Variants in AUTS2 observed in about 807,000 individuals in gnomAD.
The protein encoded by AUTS2 is activator of transcription and developmental regulator AUTS2.
Under a neutral mutation model 112.4 loss-of-function variants are expected in AUTS2, and 17 were observed. The observed-to-expected ratio is 0.15, with a 90% CI of 0.10 to 0.23. The LOEUF is 0.23. Among genes scored for constraint, AUTS2 ranks in the 10% least tolerant of loss-of-function variants. The pLI is 1.00. For synonymous variants in AUTS2, 751 were observed against 702.7 expected (o/e 1.07, Z -1.09); for missense variants, 1,510 against 1,701.6 (o/e 0.89, Z 1.98).
chr7:70,325,256 T>A (rs1790434102), intron 4 of AUTS2, among the ~76,000 whole-genome samples: 1 of 151,986 alleles, frequency 6.6e-6, no homozygotes, highest in Admixed American at 6.6e-5. Context: ...AACAGGAGTT[T>A]GAGGCTGCAG....
intron 5 of AUTS2, among the ~76,000 whole-genome samples, chr7:70,462,260 A>G (rs1796997010): frequency 6.6e-6 from 1 of 152,204 alleles, no homozygotes; most frequent in Non-Finnish European, 1.5e-5. Flanking sequence ...TCGAAAAAAC[A>G]AAAACAAAAT....
chr7:69,778,600 G>A (rs1789000863), intron 1 of AUTS2, among the ~76,000 whole-genome samples: 1 of 152,068 alleles, frequency 6.6e-6, no homozygotes. Context: ...GCAGCAGTGT[G>A]GACAGACCAG....
intron 1 of AUTS2, among the ~76,000 whole-genome samples, chr7:69,892,170 A>ATTTT (rs35883320): frequency 8.0e-6 from 1 of 125,270 alleles, no homozygotes; most frequent in Non-Finnish European, 1.7e-5. Context: ...AGTTTTGAGA[A>ATTTT]TTTTTTTTTT....
At chr7:70,378,683 A>G (rs1024238100) in intron 4 of AUTS2, among the ~76,000 whole-genome samples, 8 of 152,362 alleles carry the variant, frequency 5.3e-5, no homozygotes, top group Admixed American at 3.3e-4. Context: ...AGTGGATTGC[A>G]TCTATATTCC....
In AUTS2 at chr7:69,809,324, C is replaced by T. The variant is rs569911394; in HGVS notation, c.310-89962C>T. Among the ~76,000 whole-genome samples the T allele has an allele frequency of 3.7e-3, 564 of 151,834 alleles. 4 individuals are homozygous for T. The highest frequency in any genetic ancestry group is 5.9e-3 in the African/African-American group (246 of 41,392). On this transcript the variant is annotated intron_variant, in intron 1 of 18. Coordinates refer to ENST00000342771, the MANE Select transcript of AUTS2 (RefSeq NM_015570.4). ...CCATCTCCTGACCTCGTGATCTGCCCGCCTTGGCCTCCCAAAGTGCTGGGA... is the reference window on the plus strand; with the variant it reads ...CCATCTCCTGACCTCGTGATCTGCCTGCCTTGGCCTCCCAAAGTGCTGGGA...
At position 69,806,197 on chromosome 7, in the gene AUTS2, CTTTTTTTTT is replaced by C. The variant is rs56704400; in HGVS notation, c.310-93066_310-93058del. 4.9e-3 allele frequency among the ~76,000 whole-genome samples: 267 copies of C among 55,020 alleles called. 1 individual carries two copies. Among genetic ancestry groups the C allele is most frequent in the Non-Finnish European group, 7.2e-3 (205 of 28,330 alleles). The allele number at this position is 55,020 out of a possible 152,430, so 36.1% of individuals were successfully genotyped here. On this transcript the variant is annotated intron_variant, in intron 1 of 18. Transcript: ENST00000342771. Reference sequence around the variant, plus strand: ...TGGGAGCCACCATGCCCAGCCAAGGCTTTTTTTTTTTTTTTTTTTTTTTTTTTTTTTAAA... The same window carrying C: ...TGGGAGCCACCATGCCCAGCCAAGGCTTTTTTTTTTTTTTTTTTTTTTAAA...
chr7:70,411,084 C>T (rs950611527), intron 4 of AUTS2, among the ~76,000 whole-genome samples: 3 of 152,020 alleles, frequency 2.0e-5, no homozygotes, highest in East Asian at 3.9e-4. Context: ...AGGCTGGTCT[C>T]GAACTCCTGA....
intron 4 of AUTS2, among the ~76,000 whole-genome samples, chr7:70,236,482 G>A (rs953905256): frequency 3.0e-4 from 46 of 152,120 alleles, no homozygotes; most frequent in African/African-American, 1.1e-3. Context: ...GGTTAATACT[G>A]TCTTCTCAAT....
intron 1 of AUTS2, among the ~76,000 whole-genome samples, chr7:69,628,277 C>A (rs1276410671): frequency 2.6e-5 from 4 of 152,164 alleles, no homozygotes; most frequent in Non-Finnish European, 5.9e-5. Flanking sequence ...TTTAGACTCA[C>A]AGAGAGAGGA....
intron 2 of AUTS2, among the ~76,000 whole-genome samples, chr7:70,028,919 A>C (rs1235793026): frequency 6.6e-6 from 1 of 151,954 alleles, no homozygotes; most frequent in African/African-American, 2.4e-5. Context: ...TATGCCCCCT[A>C]CTTGGTTCTT....
At chr7:69,717,019 C>T (rs533099945) in intron 1 of AUTS2, among the ~76,000 whole-genome samples, 1 of 152,282 alleles carries the variant, frequency 6.6e-6, no homozygotes, top group Non-Finnish European at 1.5e-5. Context: ...CATTTAAACC[C>T]TGTCCTTTTG....
At chr7:70,689,775 CAAAAAAAA>C (rs60869776) in intron 5 of AUTS2, among the ~76,000 whole-genome samples, 5 of 74,704 alleles carry the variant, frequency 6.7e-5, no homozygotes, top group South Asian at 6.1e-4. Flanking sequence ...GACTCCGTCT[CAAAAAAAA>C]AAAAAAAAAA....
chr7:70,503,510 C>T (rs143234605), intron 5 of AUTS2, among the ~76,000 whole-genome samples: 1,803 of 141,900 alleles, frequency 0.013, 19 homozygotes, highest in Non-Finnish European at 0.019. Flanking sequence ...GCAAGACTCC[C>T]GTCTCATTTT....
At chr7:70,171,557 C>CA (rs899921568) in intron 4 of AUTS2, among the ~76,000 whole-genome samples, 1 of 151,690 alleles carries the variant, frequency 6.6e-6, no homozygotes, top group East Asian at 1.9e-4. Flanking sequence ...AGGCAACATC[C>CA]AAAAAAAACA....
chr7:69,691,313 G>T (rs1584080149), intron 1 of AUTS2, among the ~76,000 whole-genome samples: 1 of 152,072 alleles, frequency 6.6e-6, no homozygotes, highest in Non-Finnish European at 1.5e-5. Context: ...ACCCCTTTCC[G>T]CCCAGGAACC....
chr7:69,646,457 A>G (rs1795025853), intron 1 of AUTS2, among the ~76,000 whole-genome samples: 1 of 152,172 alleles, frequency 6.6e-6, no homozygotes, highest in Non-Finnish European at 1.5e-5. Flanking sequence ...GTCTGTGTGG[A>G]TTATAGTCAG....
intron 3 of AUTS2, among the ~76,000 whole-genome samples, chr7:70,122,170 C>T (rs573120177): frequency 6.6e-6 from 1 of 151,898 alleles, no homozygotes; most frequent in Non-Finnish European, 1.5e-5. Flanking sequence ...TAGAACTTAC[C>T]AGGAATTTGG....
At chr7:70,109,698 T>C (rs756508103) in intron 2 of AUTS2, among the ~76,000 whole-genome samples, 17 of 152,144 alleles carry the variant, frequency 1.1e-4, no homozygotes, top group Non-Finnish European at 1.2e-4. Flanking sequence ...AGAGAATAAA[T>C]TGTAAATGTT....
chr7:70,010,895 C>T (rs1472221465), intron 2 of AUTS2, among the ~76,000 whole-genome samples: 2 of 152,148 alleles, frequency 1.3e-5, no homozygotes, highest in Non-Finnish European at 2.9e-5. Flanking sequence ...GAAGGAAAAG[C>T]TTGTAAGGGG....
Sources: gnomAD v4.1 joint callset for allele counts (sites outside exome capture counted in the v4.1 genomes callset) on GRCh38, gnomAD v4.1.1 for gene constraint, MANE v1.5 for transcripts, NCBI Gene and HGNC (gene_info 2026-07-23, HGNC 2026-07-21) for gene names.